Variants in NCAPD3 observed in about 807,000 individuals in gnomAD.
The protein encoded by NCAPD3 is condensin-2 complex subunit D3.
Under a neutral mutation model 182.9 loss-of-function variants are expected in NCAPD3, and 105 were observed. That is an observed-to-expected ratio of 0.57 (90% confidence interval 0.49 to 0.68). The LOEUF (loss-of-function observed/expected upper bound fraction) is 0.68. NCAPD3 is among the 30% of genes least tolerant of loss of function. NCAPD3 has a pLI of 0.00. For synonymous variants in NCAPD3, 815 were observed against 679.9 expected, an observed-to-expected ratio of 1.20 and a Z score of -3.09; for missense variants, 1,944 against 1,837.0, an observed-to-expected ratio of 1.06 and a Z score of -1.07.
intron 28 of NCAPD3, among the ~76,000 whole-genome samples, chr11:134,160,313 G>A (rs573944591): frequency 9.9e-5 from 15 of 152,172 alleles, no homozygotes; most frequent in Non-Finnish European, 1.6e-4. Flanking sequence ...TAACTAACAG[G>A]TACAATGGTA....
Position 134,176,394 on chromosome 11 carries a change from G to T in NCAPD3, c.3022-8C>A, listed in dbSNP as rs1944166468. 1 of 1,613,032 alleles carries T rather than the reference G, an allele frequency of 6.2e-7. No individual in the cohort carries two copies. The highest frequency in any genetic ancestry group is 1.1e-5 in the South Asian group (1 of 91,062). On this transcript the variant is annotated splice_polypyrimidine_tract_variant and splice_region_variant and intron_variant, in intron 23 of 34. Coordinates refer to ENST00000534548, the MANE Select transcript of NCAPD3 (RefSeq NM_015261.3). ...CCATTTCACAAATTCCTCCTGTGCA[G>T]AGAGAAGCCGGCATGTTTCAGAGTG... is the stretch of plus-strand genomic sequence containing the variant.
At chr11:134,157,490 G>A (rs1943455967) in intron 31 of NCAPD3, among the ~76,000 whole-genome samples, 1 of 152,210 alleles carries the variant, frequency 6.6e-6, no homozygotes, top group Non-Finnish European at 1.5e-5. Context: ...CAAAGAACAG[G>A]ATAGTAATAA....
chr11:134,216,867 A>G (rs764709691), intron 3 of NCAPD3, 69 bp downstream of exon 3: 96 of 1,447,606 alleles, frequency 6.6e-5, no homozygotes, highest in Admixed American at 2.2e-5. Context: ...GAAACAAAGT[A>G]TAAGAATTGA....
intron 3 of NCAPD3, among the ~76,000 whole-genome samples, chr11:134,215,947 G>A (rs919598388): frequency 9.9e-5 from 15 of 152,102 alleles, no homozygotes; most frequent in African/African-American, 3.6e-4. Context: ...GCAGGAATAC[G>A]GCTTGCTGGA....
chr11:134,173,458 G>T, intron 24 of NCAPD3: 1 of 153,780 alleles, frequency 6.5e-6, no homozygotes, highest in South Asian at 1.8e-4. Context: ...GGCCCACCCG[G>T]ACAGAAACTC....
chr11:134,152,736 G>C lies in NCAPD3; in HGVS notation c.*208C>G. 2.2e-6 allele frequency: 1 copy of C among 463,190 alleles called. No individual in the cohort carries two copies. Among genetic ancestry groups the C allele is most frequent in the East Asian group, 3.2e-5 (1 of 31,370 alleles). 28.7% of individuals were successfully genotyped at this position (463,190 alleles called of 1,614,324 possible). A position where few individuals can be genotyped will look rare whatever the true frequency, so the allele number is the denominator to read the frequency against. On this transcript the variant is annotated 3_prime_UTR_variant, in exon 35 of 35. Transcript: ENST00000534548. Reference sequence around the variant, plus strand: ...GATTAGGGTAAGAAAATCTAAATCTGGCACATCTCTATTATTTGACAGTGT... The same window carrying C: ...GATTAGGGTAAGAAAATCTAAATCTCGCACATCTCTATTATTTGACAGTGT...
rs142742245 is a variant in NCAPD3 at position 134,202,827 on chromosome 11, A to G, written c.1604T>C (p.Val535Ala). 25 of 1,604,520 alleles carry G rather than the reference A, an allele frequency of 1.6e-5. No homozygotes were observed. The highest frequency in any genetic ancestry group is 1.3e-4 in the African/African-American group (10 of 74,320). ...AAAATCTGACATACCTCCAGATCCA[A>G]CTGTTTCACCACTGCTGTCTATGTT... ...EINIDSSGET[V>A]GSGERCVMAM... Residue 535 changes from valine (V) to alanine (A), a missense_variant, in exon 13 of 35, where the codon GTT (valine) becomes GCT (alanine). Val to Ala is a moderately conservative substitution (Grantham distance 64). Coordinates refer to ENST00000534548, the MANE Select transcript of NCAPD3 (RefSeq NM_015261.3).
At chr11:134,221,988 C>T (rs999005752) in intron 1 of NCAPD3, among the ~76,000 whole-genome samples, 29 of 152,208 alleles carry the variant, frequency 1.9e-4, no homozygotes, top group African/African-American at 7.0e-4. Context: ...TTATAGACCA[C>T]AGCAAAAGTT....
rs149509977 is a variant in NCAPD3, at chr11:134,179,783, C to T, written c.2560-847G>A. On this transcript the variant is annotated intron_variant, in intron 20 of 34. Coordinates refer to ENST00000534548, the MANE Select transcript of NCAPD3 (RefSeq NM_015261.3). ...AGTAATATTGTTCTTTTTTTATTTA[C>T]ACCCCAAATGAAGGGATGATGCTGA... Among the ~76,000 whole-genome samples the T allele has an allele frequency of 8.4e-3, 1,280 of 152,152 alleles. 18 individuals carry two copies. Among genetic ancestry groups the T allele is most frequent in the African/African-American group, 0.029 (1,190 of 41,502 alleles).
chr11:134,222,699 T>A (rs1171269943), intron 1 of NCAPD3, among the ~76,000 whole-genome samples: 1 of 152,180 alleles, frequency 6.6e-6, no homozygotes, highest in Non-Finnish European at 1.5e-5. Flanking sequence ...GGGAGAGGAA[T>A]AAGATGATTC....
rs1181262145 is a variant in NCAPD3 at position 134,202,820 on chromosome 11, A to G, written c.1611T>C (p.Ser537=). The change falls in exon 13 of 35, where the codon TCT becomes TCC. Residue 537 remains serine (S), a synonymous_variant. Transcript: ENST00000534548. ...NIDSSGETVG[S]GERCVMAMLR... is the part of the protein sequence containing the mutation. ...CAGTGATAAAATCTGACATACCTCC[A>G]GATCCAACTGTTTCACCACTGCTGT... The G allele has an allele frequency of 6.2e-7, 1 of 1,601,246 alleles. No individual in the cohort carries two copies. The highest frequency in any genetic ancestry group is 1.7e-5 in the Admixed American group (1 of 57,650).
At chr11:134,223,591 G>A (rs369935815) in intron 1 of NCAPD3, 5 of 673,178 alleles carry the variant, frequency 7.4e-6, no homozygotes, top group South Asian at 3.1e-5. Context: ...CGCACAGGAA[G>A]AAGGGGAAGG....
At chr11:134,164,137 G>A (rs1943682853) in intron 27 of NCAPD3, among the ~76,000 whole-genome samples, 1 of 152,122 alleles carries the variant, frequency 6.6e-6, no homozygotes, top group Non-Finnish European at 1.5e-5. Flanking sequence ...GGCAATCCAG[G>A]CTAGGAGGAA....
chr11:134,191,291 C>CA (rs1944517920), intron 16 of NCAPD3, among the ~76,000 whole-genome samples: 1 of 151,748 alleles, frequency 6.6e-6, no homozygotes, highest in Non-Finnish European at 1.5e-5. Context: ...GAAGAGTTGC[C>CA]ATGAAATCAG....
At chr11:134,176,076 C>A (rs752834194) in intron 24 of NCAPD3, among the ~76,000 whole-genome samples, 49 of 152,014 alleles carry the variant, frequency 3.2e-4, no homozygotes, top group Non-Finnish European at 4.0e-4. Context: ...CAAGTGCAGT[C>A]AATGCTGAGA....
chr11:134,171,510 G>C (rs1411603218), intron 24 of NCAPD3, among the ~76,000 whole-genome samples: 1 of 152,130 alleles, frequency 6.6e-6, no homozygotes, highest in Admixed American at 6.5e-5. Flanking sequence ...AAGAGTTCAT[G>C]CTGAACTCAT....
At chr11:134,170,558 T>C (rs1433220660) in intron 24 of NCAPD3, among the ~76,000 whole-genome samples, 3 of 152,238 alleles carry the variant, frequency 2.0e-5, no homozygotes, top group Non-Finnish European at 4.4e-5. Context: ...TGAAGTCACA[T>C]ATACGAAAAT....
intron 21 of NCAPD3, 25 bp from the exon 22 acceptor site, chr11:134,178,766 C>T: frequency 6.2e-7 from 1 of 1,608,028 alleles, no homozygotes; most frequent in Non-Finnish European, 8.5e-7. Flanking sequence ...GAGAAAGTTA[C>T]CGACAGAACC....
chr11:134,212,078 C>T (rs1937853662), intron 3 of NCAPD3, among the ~76,000 whole-genome samples: 1 of 152,114 alleles, frequency 6.6e-6, no homozygotes, highest in Admixed American at 6.5e-5. Flanking sequence ...AAAAAGTTAA[C>T]TCAGAATTTT....
Sources: allele counts gnomAD v4.1 joint callset (sites outside exome capture counted in the v4.1 genomes callset), GRCh38; gene constraint gnomAD v4.1.1; transcripts MANE v1.5; gene names NCBI Gene and HGNC (gene_info 2026-07-23, HGNC 2026-07-21).